APC: variants seen among roughly 807,000 people sequenced by gnomAD.
The protein encoded by APC is APC regulator of Wnt signaling pathway, also known as adenomatous polyposis coli protein.
In APC, 72 loss-of-function variants were observed where a neutral mutation model predicts 247.0. The ratio of observed to expected loss-of-function variants is 0.29; its 90% CI spans 0.24 to 0.35. The LOEUF is 0.35. APC is among the 10% of genes least tolerant of loss of function. The probability of loss-of-function intolerance (pLI) is 1.00; values close to 1 mark genes in which losing one functional copy is unlikely to be tolerated. For synonymous variants in APC, 1,254 were observed against 1,162.5 expected (o/e 1.08, Z -1.60); for missense variants, 3,400 against 3,360.7 (o/e 1.01, Z -0.29).
chr5:112,717,725 C>T (rs1174612779), intron 1 of APC, among the ~76,000 whole-genome samples: 1 of 151,948 alleles, frequency 6.6e-6, no homozygotes, highest in Non-Finnish European at 1.5e-5. Flanking sequence ...GATTAGGCAT[C>T]GGATTCTTTG....
intron 6 of APC, among the ~76,000 whole-genome samples, chr5:112,785,171 T>C (rs923065122): frequency 2.6e-5 from 4 of 152,160 alleles, no homozygotes; most frequent in Admixed American, 2.0e-4. Context: ...GCTTGACTAA[T>C]GCAAGTAGAA....
intron 10 of APC, among the ~76,000 whole-genome samples, chr5:112,821,234 G>A (rs1210391267): frequency 2.0e-5 from 3 of 152,108 alleles, no homozygotes; most frequent in East Asian, 1.9e-4. Flanking sequence ...GGCTAAGCAC[G>A]GTGGCTCGTG....
rs752977559 is a variant in APC, at chr5:112,839,462, A to C, written c.3868A>C (p.Asn1290His). Residue 1290 changes from asparagine (N) to histidine (H), a missense_variant, in exon 16 of 16, where the codon AAT becomes CAT. By Grantham distance (68) the Asn-to-His change is moderately conservative. Coordinates refer to ENST00000257430, the MANE Select transcript of APC (RefSeq NM_000038.6). The surrounding 1 kb of genome is among the most constrained non-coding windows in gnomAD (Gnocchi z 5.0). Reference sequence around the variant, plus strand: ...ATCAGCTGAAGATGAAATAGGATGTAATCAGACGACACAGGAAGCAGATTC... The same window carrying C: ...ATCAGCTGAAGATGAAATAGGATGTCATCAGACGACACAGGAAGCAGATTC... ...LSSAEDEIGC[N>H]QTTQEADSAN... 6.2e-7 allele frequency: 1 copy of C among 1,614,198 alleles called. No individual in the cohort carries two copies. The highest frequency in any genetic ancestry group is 8.5e-7 in the Non-Finnish European group (1 of 1,179,998).
At chr5:112,776,450 C>G (rs1757660415) in intron 5 of APC, among the ~76,000 whole-genome samples, 1 of 152,222 alleles carries the variant, frequency 6.6e-6, no homozygotes, top group Admixed American at 6.5e-5. Context: ...GCCAACATCT[C>G]TAACCATCTG....
At chr5:112,820,946 C>T (rs1763062048) in intron 10 of APC, among the ~76,000 whole-genome samples, 1 of 152,052 alleles carries the variant, frequency 6.6e-6, no homozygotes, top group African/African-American at 2.4e-5. Flanking sequence ...ACTGCAGCCT[C>T]AACCTCCCAG....
intron 8 of APC, among the ~76,000 whole-genome samples, chr5:112,804,736 A>G (rs1029130704): frequency 6.6e-6 from 1 of 152,212 alleles, no homozygotes; most frequent in Non-Finnish European, 1.5e-5. Flanking sequence ...GCTCACACCT[A>G]TAATCCCAAC....
intron 6 of APC, among the ~76,000 whole-genome samples, chr5:112,784,564 T>C (rs1349120510): frequency 2.0e-5 from 3 of 152,206 alleles, no homozygotes; most frequent in Non-Finnish European, 4.4e-5. Flanking sequence ...ATGAATAGTA[T>C]GCAAGCTATT....
chr5:112,831,487 A>T (rs1561561930), intron 14 of APC, among the ~76,000 whole-genome samples: 1 of 152,134 alleles, frequency 6.6e-6, no homozygotes, highest in Non-Finnish European at 1.5e-5. Flanking sequence ...ATTAGAATTT[A>T]TTTATTTTTT....
At chr5:112,798,866 C>A (rs1474942980) in intron 7 of APC, among the ~76,000 whole-genome samples, 1 of 152,130 alleles carries the variant, frequency 6.6e-6, no homozygotes, top group African/African-American at 2.4e-5. Flanking sequence ...AGATATGTGA[C>A]TGAAAACAAG....
chr5:112,761,023 A>T (rs963313820), intron 2 of APC, among the ~76,000 whole-genome samples: 4 of 152,046 alleles, frequency 2.6e-5, no homozygotes, highest in Non-Finnish European at 5.9e-5. Flanking sequence ...GTTAGCCAGG[A>T]TGGTCTTGAT....
intron 1 of APC, among the ~76,000 whole-genome samples, chr5:112,748,008 C>T (rs1346205125): frequency 6.6e-6 from 1 of 152,144 alleles, no homozygotes; most frequent in East Asian, 1.9e-4. Context: ...TGCTTTTGTG[C>T]TACAGCTACA....
At chr5:112,726,915 C>T (rs552815176) in intron 1 of APC, among the ~76,000 whole-genome samples, 1 of 152,064 alleles carries the variant, frequency 6.6e-6, no homozygotes, top group African/African-American at 2.4e-5. Context: ...ATTAGATTGT[C>T]CTGATTTTCT....
intron 1 of APC, among the ~76,000 whole-genome samples, chr5:112,716,781 C>T (rs1167980688): frequency 6.6e-6 from 1 of 152,130 alleles, no homozygotes; most frequent in African/African-American, 2.4e-5. Flanking sequence ...TATCAAGTTT[C>T]CTCTTTTATT....
intron 1 of APC, among the ~76,000 whole-genome samples, chr5:112,720,094 G>A (rs1751399448): frequency 6.6e-6 from 1 of 152,110 alleles, no homozygotes; most frequent in Non-Finnish European, 1.5e-5. Context: ...ACATAAATTG[G>A]TGTTCTTCTG....
chr5:112,780,883 G>A lies in APC; in HGVS notation c.625G>A (p.Asp209Asn), dbSNP rs1114167615. Residue 209 changes from aspartate (D) to asparagine (N), a missense_variant, in exon 6 of 16, where the codon GAT becomes AAT. By Grantham distance (23) the Asp-to-Asn change is conservative (BLOSUM62 1). Coordinates refer to ENST00000257430, the MANE Select transcript of APC (RefSeq NM_000038.6). ...AMEEQLGTCQ[D>N]MEKRAQRRIA... ...GGAAGAACAACTAGGTACCTGCCAGGATATGGAAAAACGAGCACAGGTAAG... is the reference window on the plus strand; with the variant it reads ...GGAAGAACAACTAGGTACCTGCCAGAATATGGAAAAACGAGCACAGGTAAG... The A allele has an allele frequency of 6.2e-7, 1 of 1,611,618 alleles. No individual in the cohort carries two copies. The highest frequency in any genetic ancestry group is 2.2e-5 in the East Asian group (1 of 44,726).
intron 11 of APC, among the ~76,000 whole-genome samples, chr5:112,825,657 G>C (rs1043147892): frequency 6.6e-6 from 1 of 152,138 alleles, no homozygotes; most frequent in Non-Finnish European, 1.5e-5. Context: ...TTCGCAACCA[G>C]CTCGGGCAAC....
chr5:112,764,891 A>C (rs142071685), intron 2 of APC, among the ~76,000 whole-genome samples: 4 of 152,320 alleles, frequency 2.6e-5, no homozygotes, highest in Admixed American at 2.6e-4. Flanking sequence ...TTTGATGGGC[A>C]TATTCAAATT....
At position 112,837,688 on chromosome 5, in the gene APC, A is replaced by G. The variant is rs1426881729; in HGVS notation, c.2094A>G (p.Leu698=). The G allele has an allele frequency of 3.1e-6, 5 of 1,614,206 alleles. No individual in the cohort carries two copies. Among genetic ancestry groups the G allele is most frequent in the Non-Finnish European group, 3.4e-6 (4 of 1,180,018 alleles). Residue 698 remains leucine (L), a synonymous_variant, in exon 16 of 16, where the codon TTA becomes TTG. Coordinates refer to ENST00000257430, the MANE Select transcript of APC (RefSeq NM_000038.6). ...SARNPKDQEA[L]WDMGAVSMLK... is the part of the protein sequence containing the mutation. ...GAAATCCTAAAGACCAGGAAGCATT[A>G]TGGGACATGGGGGCAGTTAGCATGC...
chr5:112,829,321 G>A, intron 14 of APC: 1 of 256,354 alleles, frequency 3.9e-6, no homozygotes, highest in South Asian at 4.5e-5. Flanking sequence ...TTTTAGTAGA[G>A]ATGGGGTTTC....
Sources: allele counts gnomAD v4.1 joint callset (sites outside exome capture counted in the v4.1 genomes callset), GRCh38; gene constraint gnomAD v4.1.1; non-coding constraint Gnocchi (gnomAD v3.1); transcripts MANE v1.5; gene names NCBI Gene and HGNC (gene_info 2026-07-23, HGNC 2026-07-21).